Variants in MTFMT observed in about 807,000 individuals in gnomAD.
The protein encoded by MTFMT is methionyl-tRNA formyltransferase, mitochondrial.
Under a neutral mutation model 51.8 loss-of-function variants are expected in MTFMT, and 47 were observed. The observed-to-expected ratio is 0.91, with a 90% CI of 0.72 to 1.16. The LOEUF is 1.16. MTFMT is among the 50% of genes most tolerant of loss of function. The pLI is 0.00. For synonymous variants in MTFMT, 196 were observed against 176.7 expected, an observed-to-expected ratio of 1.11 and a Z score of -0.87; for missense variants, 512 against 482.3, an observed-to-expected ratio of 1.06 and a Z score of -0.58.
chr15:65,009,974 C>T (rs2086250267), intron 6 of MTFMT, among the ~76,000 whole-genome samples: 1 of 152,110 alleles, frequency 6.6e-6, no homozygotes, highest in African/African-American at 2.4e-5. Flanking sequence ...CTGACCTCCA[C>T]TCCACTCTCT....
intron 6 of MTFMT, among the ~76,000 whole-genome samples, chr15:65,009,134 G>A (rs1044255978): frequency 2.0e-5 from 3 of 152,076 alleles, no homozygotes; most frequent in Non-Finnish European, 4.4e-5. Flanking sequence ...CAAAGACAAG[G>A]GCCTTCCTCT....
chr15:65,021,602 G>A lies in MTFMT; in HGVS notation c.557C>T (p.Pro186Leu). The A allele has an allele frequency of 6.3e-7, 1 of 1,581,336 alleles. No homozygotes were observed. The highest frequency in any genetic ancestry group is 1.1e-5 in the South Asian group (1 of 87,880). The change falls in exon 4 of 9, where the codon CCA (proline) becomes CTA (leucine). Residue 186 changes from proline (P) to leucine (L), a missense_variant. Transcript: ENST00000220058. ...QIRPKRFDVGPILKQETVPVP... is the reference protein window; with the variant it reads ...QIRPKRFDVGLILKQETVPVP... ...AGGAACAGTTTCTTGTTTGAGAATT[G>A]GGCCTACATCAAACCTAGCAAAAAA... is the stretch of plus-strand genomic sequence containing the variant.
rs1244223902 is a variant in MTFMT at position 65,029,413 on chromosome 15, G to A, written c.201C>T (p.His67=). 2.7e-6 allele frequency: 4 copies of A among 1,496,452 alleles called. No individual in the cohort carries two copies. In the South Asian group the frequency reaches 3.8e-5, roughly 14 times the overall value. The allele number at this position is 1,496,452 out of a possible 1,614,324, so 92.7% of individuals were successfully genotyped here. A position where few individuals can be genotyped will look rare whatever the true frequency, so the allele number is the denominator to read the frequency against. Residue 67 remains histidine (H), a synonymous_variant, in exon 1 of 9, where the codon CAC becomes CAT. Coordinates refer to ENST00000220058, the MANE Select transcript of MTFMT (RefSeq NM_139242.4). ...QFAREALRAL[H]AARENKEEEL... ...ATCCCTGGCCCGGGTACCTGGCGGC[G>A]TGCAGCGCCCGCAGCGCCTCGCGGG...
In MTFMT at chr15:65,021,522, C is replaced by T. The variant is rs2086373721; in HGVS notation, c.637G>A (p.Ala213Thr). The T allele has an allele frequency of 3.7e-5, 60 of 1,608,442 alleles. No individual in the cohort carries two copies. Among genetic ancestry groups the T allele is most frequent in the Non-Finnish European group, 5.1e-5 (60 of 1,175,426 alleles). ...ATATTGGGGAATTATACCATGTTGG[C>T]ACCCAGTCTTGACAACACTGCTTCC... ...ELEAVLSRLG[A>T]NMLISVLKNL... The change falls in exon 4 of 9, where the codon GCC becomes ACC. Residue 213 changes from alanine (A) to threonine (T), a missense_variant. Transcript: ENST00000220058.
At chr15:65,003,328 T>TA in intron 8 of MTFMT, 72 bp from the exon 9 acceptor site, 1 of 1,194,184 alleles carries the variant, frequency 8.4e-7, no homozygotes, top group African/African-American at 1.5e-5. Flanking sequence ...TATTAGTTTA[T>TA]AAAATTTTTA....
intron 3 of MTFMT, 139 bp downstream of exon 3, chr15:65,023,533 G>C: frequency 1.4e-6 from 1 of 701,732 alleles, no homozygotes; most frequent in Non-Finnish European, 2.3e-6. Context: ...GGAGAAAACA[G>C]AAAGGATATA....
chr15:65,026,854 C>G lies in MTFMT; in HGVS notation c.396G>C (p.Glu132Asp). The change falls in exon 2 of 9, where the codon GAG becomes GAC. Residue 132 changes from glutamate (E) to aspartate (D), a missense_variant. By Grantham distance (45) the Glu-to-Asp change is conservative. Coordinates refer to ENST00000220058, the MANE Select transcript of MTFMT (RefSeq NM_139242.4). ...VVASFGRLLNEALILKFPYGI... is the reference protein window; with the variant it reads ...VVASFGRLLNDALILKFPYGI... ...ACTAGGGAAATTTAAGAATAAGAGCCTCATTCAAAAGTCGGCCAAACGAAG... is the reference window on the plus strand; with the variant it reads ...ACTAGGGAAATTTAAGAATAAGAGCGTCATTCAAAAGTCGGCCAAACGAAG... 3 of 1,613,778 alleles carry G rather than the reference C, an allele frequency of 1.9e-6. No individual in the cohort carries two copies. Among genetic ancestry groups the G allele is most frequent in the Non-Finnish European group, 2.5e-6 (3 of 1,179,828 alleles).
intron 2 of MTFMT, among the ~76,000 whole-genome samples, chr15:65,024,144 T>A (rs368933295): frequency 2.0e-5 from 3 of 152,172 alleles, no homozygotes; most frequent in South Asian, 4.1e-4. Flanking sequence ...CGGACCAACA[T>A]GGAGAAACCC....
rs781584640 is a variant in MTFMT at position 65,016,473 on chromosome 15, T to C, written c.776A>G (p.Glu259Gly). Residue 259 changes from glutamate (E) to glycine (G), a missense_variant, in exon 6 of 9, where the codon GAA becomes GGA. Coordinates refer to ENST00000220058, the MANE Select transcript of MTFMT (RefSeq NM_139242.4). The part of the protein sequence containing the change: ...SCIKWEEQTS[E>G]QIFRLYRAIG... ...GGCACGGTAAAGTCTGAATATTTGTTCTGAAGTTTGTTCCTCCCATTTTAT... is the reference window on the plus strand; with the variant it reads ...GGCACGGTAAAGTCTGAATATTTGTCCTGAAGTTTGTTCCTCCCATTTTAT... 2.5e-5 allele frequency: 40 copies of C among 1,612,548 alleles called. No individual in the cohort carries two copies. Among genetic ancestry groups the C allele is most frequent in the Non-Finnish European group, 2.8e-5 (33 of 1,179,038 alleles).
chr15:65,011,721 C>A (rs2140478030), intron 6 of MTFMT, among the ~76,000 whole-genome samples: 1 of 152,084 alleles, frequency 6.6e-6, no homozygotes, highest in Admixed American at 6.6e-5. Flanking sequence ...GTCTCAAATT[C>A]TTGGGTTCAA....
At chr15:65,027,110 T>A (rs568877897) in intron 1 of MTFMT, 70 bp from the exon 2 acceptor site, 285 of 1,072,006 alleles carry the variant, frequency 2.7e-4, no homozygotes, top group Non-Finnish European at 3.4e-4. Flanking sequence ...ACTTCACATA[T>A]CGCTAAGTAT....
rs1555404226 is a variant in MTFMT, at chr15:65,027,202, C to CG, written c.210-163_210-162insC. Among the ~76,000 whole-genome samples the CG allele has an allele frequency of 3.3e-4, 48 of 144,028 alleles. 1 individual carries two copies. Among genetic ancestry groups the CG allele is most frequent in the Middle Eastern group, 7.4e-3 (2 of 272 alleles). The allele number at this position is 144,028 out of a possible 152,430, so 94.5% of individuals were successfully genotyped here. A position where few individuals can be genotyped will look rare whatever the true frequency, so the allele number is the denominator to read the frequency against. ...GACTGAGTTTTCATTTTTTCTTTTT[C>CG]TTTTTTTTTTTTTGAGCTGGAGTCT... On this transcript the variant is annotated intron_variant, in intron 1 of 8. Transcript: ENST00000220058.
At chr15:65,010,934 T>C (rs769751219) in intron 6 of MTFMT, among the ~76,000 whole-genome samples, 2 of 152,180 alleles carry the variant, frequency 1.3e-5, no homozygotes, top group African/African-American at 4.8e-5. Flanking sequence ...TGGTATCTCA[T>C]TGTGGTTCTG....
chr15:65,007,771 A>AT (rs1176747313), intron 6 of MTFMT, among the ~76,000 whole-genome samples: 1 of 152,136 alleles, frequency 6.6e-6, no homozygotes, highest in Non-Finnish European at 1.5e-5. Context: ...CTTTGGTTAT[A>AT]TTTTTTAAAA....
chr15:65,016,778 C>G (rs1186915091), intron 5 of MTFMT, among the ~76,000 whole-genome samples: 1 of 141,498 alleles, frequency 7.1e-6, no homozygotes, highest in East Asian at 1.9e-4. Flanking sequence ...TGAGACTATT[C>G]AAACTTTTTT....
chr15:65,007,577 GTTTT>G (rs914365440), intron 6 of MTFMT, among the ~76,000 whole-genome samples: 6 of 152,236 alleles, frequency 3.9e-5, no homozygotes, highest in African/African-American at 1.4e-4. Flanking sequence ...TAGTTTTGGG[GTTTT>G]TTGTTTTTAA....
At chr15:65,026,750 C>A in intron 2 of MTFMT, 81 bp downstream of exon 2, 1 of 1,096,796 alleles carries the variant, frequency 9.1e-7, no homozygotes, top group South Asian at 1.6e-5. Flanking sequence ...GCATAGAGTT[C>A]AAATTATCAC....
Position 65,029,626 on chromosome 15 carries a change from C to T in MTFMT, c.-13G>A, listed in dbSNP as rs925042441. The T allele has an allele frequency of 1.1e-5, 14 of 1,315,620 alleles. No individual in the cohort carries two copies. The African/African-American group carries it at 1.7e-4, about 16-fold the overall frequency. The allele number at this position is 1,315,620 out of a possible 1,614,324, so 81.5% of individuals were successfully genotyped here. On this transcript the variant is annotated 5_prime_UTR_variant, in exon 1 of 9. Transcript: ENST00000220058. ...CCAACACCCTCATCGCCTCGGCCGC[C>T]GGCGGCCGGCCCTGCGCAGGCGCAT...
At chr15:65,029,362 G>A in intron 1 of MTFMT, 43 bp downstream of exon 1, 1 of 1,406,012 alleles carries the variant, frequency 7.1e-7, no homozygotes. Context: ...GCGCGGCCTG[G>A]AGGCCTTCAG....
Sources: allele counts gnomAD v4.1 joint callset (sites outside exome capture counted in the v4.1 genomes callset), GRCh38; gene constraint gnomAD v4.1.1; transcripts MANE v1.5; gene names NCBI Gene and HGNC (gene_info 2026-07-23, HGNC 2026-07-21).